Variants in PCDHA6 observed in about 807,000 individuals in gnomAD.
PCDHA6 encodes the protein protocadherin alpha-6.
In PCDHA6, 55 loss-of-function variants were observed where a neutral mutation model predicts 60.3. The ratio of observed to expected loss-of-function variants is 0.91; its 90% CI spans 0.73 to 1.14. PCDHA6 has a LOEUF of 1.14. PCDHA6 is among the 50% of genes most tolerant of loss of function. The probability of loss-of-function intolerance (pLI) is 0.00; values close to 1 mark genes in which losing one functional copy is unlikely to be tolerated. For missense variants in PCDHA6, 1,327 were observed against 1,256.5 expected (o/e 1.06, Z -0.85); for synonymous variants, 652 against 557.9 (o/e 1.17, Z -2.38).
At chr5:140,931,021 G>C (rs2153606770) in intron 1 of PCDHA6, among the ~76,000 whole-genome samples, 1 of 152,272 alleles carries the variant, frequency 6.6e-6, no homozygotes, top group Admixed American at 6.5e-5. Flanking sequence ...GGAATTTTCT[G>C]ATTGTAGAGC....
At chr5:140,990,900 G>C (rs1164287326) in intron 3 of PCDHA6, among the ~76,000 whole-genome samples, 1 of 152,114 alleles carries the variant, frequency 6.6e-6, no homozygotes, top group Non-Finnish European at 1.5e-5. Flanking sequence ...TCGTTGCTGG[G>C]TCAAGTTTTA....
intron 1 of PCDHA6, chr5:140,883,596 T>C: frequency 1.2e-6 from 2 of 1,613,794 alleles, no homozygotes; most frequent in East Asian, 4.5e-5. Context: ...AGCGTGTCGG[T>C]GGGGGTGGCC....
chr5:140,840,708 C>T (rs1776833354), intron 1 of PCDHA6, among the ~76,000 whole-genome samples: 1 of 151,964 alleles, frequency 6.6e-6, no homozygotes, highest in African/African-American at 2.4e-5. Flanking sequence ...GGCAATTTGA[C>T]ATTTATTGAA....
intron 1 of PCDHA6, among the ~76,000 whole-genome samples, chr5:140,916,434 C>T (rs1554197442): frequency 1.3e-5 from 2 of 152,184 alleles, no homozygotes; most frequent in Non-Finnish European, 2.9e-5. Context: ...AACCTAAGGC[C>T]CACAGTATAC....
intron 1 of PCDHA6, chr5:140,882,514 C>T: frequency 2.5e-6 from 4 of 1,614,150 alleles, no homozygotes; most frequent in Non-Finnish European, 3.4e-6. Context: ...TGCAGAATGG[C>T]ATTTTGTTTG....
At chr5:140,862,306 C>T (rs184682479) in intron 1 of PCDHA6, 3 of 279,438 alleles carry the variant, frequency 1.1e-5, no homozygotes, top group Admixed American at 9.2e-5. Flanking sequence ...CACTGGGTAC[C>T]GTCATAGCCC....
At position 140,828,741 on chromosome 5, in the gene PCDHA6, G is replaced by T; in HGVS notation, c.650G>T (p.Gly217Val). ...AACTTATTCCTGACAGCCACAGATG[G>T]GGGCAAACCTGAGCTCACAGGCACT... ...AHNLFLTATD[G>V]GKPELTGTVQ... The change falls in exon 1 of 4, where the codon GGG becomes GTG. Residue 217 changes from glycine to valine, a missense_variant. Gly to Val is a moderately radical substitution (Grantham distance 109). Transcript: ENST00000529310. 6.2e-7 allele frequency: 1 copy of T among 1,614,220 alleles called. No individual in the cohort carries two copies. The highest frequency in any genetic ancestry group is 8.5e-7 in the Non-Finnish European group (1 of 1,180,034).
chr5:140,881,414 A>G, intron 1 of PCDHA6: 1 of 936,538 alleles, frequency 1.1e-6, no homozygotes, highest in African/African-American at 1.8e-5. Flanking sequence ...TCAATAGGAT[A>G]TTAGTTCCAG....
At chr5:140,872,883 A>G (rs1249618014) in intron 1 of PCDHA6, among the ~76,000 whole-genome samples, 1 of 152,204 alleles carries the variant, frequency 6.6e-6, no homozygotes, top group Non-Finnish European at 1.5e-5. Flanking sequence ...AGTTTCATTC[A>G]TCTCACTTTG....
Position 140,830,277 on chromosome 5 carries a change from A to G in PCDHA6, c.2186A>G (p.Glu729Gly), listed in dbSNP as rs1770951301. 1 of 1,613,766 alleles carries G rather than the reference A, an allele frequency of 6.2e-7. No individual in the cohort carries two copies. The highest frequency in any genetic ancestry group is 8.5e-7 in the Non-Finnish European group (1 of 1,179,844). ...TALRCSAPPTEGACTADKPTL... is the reference protein window; with the variant it reads ...TALRCSAPPTGGACTADKPTL... Reference sequence around the variant, plus strand: ...CTGCGGTGCTCGGCGCCACCCACCGAGGGCGCGTGCACGGCGGACAAGCCC... The same window carrying G: ...CTGCGGTGCTCGGCGCCACCCACCGGGGGCGCGTGCACGGCGGACAAGCCC... The change falls in exon 1 of 4, where the codon GAG (glutamate) becomes GGG (glycine). Residue 729 changes from glutamate to glycine, a missense_variant. Physicochemically the swap from Glu to Gly is moderately conservative, Grantham distance 98. Transcript: ENST00000529310.
chr5:140,852,108 G>A, intron 1 of PCDHA6: 1 of 906,254 alleles, frequency 1.1e-6, no homozygotes, highest in Non-Finnish European at 1.3e-6. Context: ...TATTTTACAA[G>A]GTATGACCTA....
chr5:140,927,293 C>T (rs782386645), intron 1 of PCDHA6: 5 of 1,614,176 alleles, frequency 3.1e-6, no homozygotes, highest in Non-Finnish European at 3.4e-6. Flanking sequence ...CTGCACATCC[C>T]CGAGTTCCTG....
chr5:140,849,852 C>A (rs2150454047), intron 1 of PCDHA6: 2 of 1,598,608 alleles, frequency 1.3e-6, no homozygotes, highest in East Asian at 2.2e-5. Context: ...CGACAACGCA[C>A]CAGCGTTCGC....
chr5:140,863,149 G>T, intron 1 of PCDHA6: 1 of 617,002 alleles, frequency 1.6e-6, no homozygotes, highest in Non-Finnish European at 3.1e-6. Context: ...GCTGGTGAAG[G>T]ACCACTGCGA....
chr5:140,881,538 C>CT lies in PCDHA6; in HGVS notation c.2394+51056dup, dbSNP rs1216394306. ...AAATCCCACACATATTGACTGAACA[C>CT]TTTCTTTTGAATATAAATATCTTAT... On this transcript the variant is annotated intron_variant, in intron 1 of 3. Transcript: ENST00000529310. Among the ~76,000 whole-genome samples, 3 of 152,196 alleles carry CT rather than the reference C, an allele frequency of 2.0e-5. No homozygotes were observed. In the East Asian group the frequency reaches 5.8e-4, roughly 29 times the overall value.
chr5:140,834,672 G>T, intron 1 of PCDHA6: 1 of 1,614,242 alleles, frequency 6.2e-7, no homozygotes, highest in Non-Finnish European at 8.5e-7. Flanking sequence ...GGAGCTGTGC[G>T]GGCGGAGCGC....
intron 1 of PCDHA6, among the ~76,000 whole-genome samples, chr5:140,950,547 TGGG>T (rs1385873509): frequency 6.6e-6 from 1 of 152,064 alleles, no homozygotes; most frequent in Non-Finnish European, 1.5e-5. Flanking sequence ...CTTGCATGGC[TGGG>T]GGGACACTTA....
rs1322777523 is a variant in PCDHA6 at position 140,961,683 on chromosome 5, A to G, written c.2395-17266A>G. Among the ~76,000 whole-genome samples, 6 of 152,224 alleles carry G rather than the reference A, an allele frequency of 3.9e-5. No homozygotes were observed. The East Asian group carries it at 1.2e-3, about 29-fold the overall frequency. ...AGTTACCAGTTTTTAATTAAGCCGGAGTAGTCCTTAGTATGAATGCCTTCA... is the reference window on the plus strand; with the variant it reads ...AGTTACCAGTTTTTAATTAAGCCGGGGTAGTCCTTAGTATGAATGCCTTCA... On this transcript the variant is annotated intron_variant, in intron 1 of 3. Transcript: ENST00000529310.
At chr5:140,941,648 T>C (rs975692197) in intron 1 of PCDHA6, among the ~76,000 whole-genome samples, 1 of 152,074 alleles carries the variant, frequency 6.6e-6, no homozygotes, top group Non-Finnish European at 1.5e-5. Context: ...TTCCTACAAC[T>C]TATGTCCAAT....
Sources: allele counts gnomAD v4.1 joint callset (sites outside exome capture counted in the v4.1 genomes callset), GRCh38; gene constraint gnomAD v4.1.1; transcripts MANE v1.5; gene names NCBI Gene and HGNC (gene_info 2026-07-23, HGNC 2026-07-21).